The following MICALL2 variants were observed in gnomAD, a reference collection of about 807,000 sequenced individuals.
MICALL2 encodes the protein MICAL-like protein 2.
A neutral mutation model predicts 91.1 loss-of-function variants in MICALL2; 111 were observed. The ratio of observed to expected loss-of-function variants is 1.22; its 90% CI spans 1.04 to 1.43. MICALL2 has a LOEUF of 1.43. MICALL2 is among the 40% of genes most tolerant of loss of function. The pLI, the probability that MICALL2 is intolerant of heterozygous loss-of-function variation, is 0.00. For synonymous variants in MICALL2, 694 were observed against 525.3 expected, an observed-to-expected ratio of 1.32 and a Z score of -4.39; for missense variants, 1,556 against 1,236.0, an observed-to-expected ratio of 1.26 and a Z score of -3.88.
At position 1,438,109 on chromosome 7, in the gene MICALL2, C is replaced by A. The variant is rs1190594084; in HGVS notation, c.2299G>T (p.Ala767Ser). ...CCGAGGCGCTCACCTCCCTCGGCCG[C>A]CCGCAGTCGCTTCTCCAGCTCCACG... ...RGVELEKRLR[A>S]AEGDDAEDSL... Residue 767 changes from alanine (A) to serine (S), a missense_variant, in exon 12 of 17, where the codon GCG becomes TCG. Physicochemically the swap from Ala to Ser is moderately conservative, Grantham distance 99. Coordinates refer to ENST00000297508, the MANE Select transcript of MICALL2 (RefSeq NM_182924.4). 5.1e-6 allele frequency: 8 copies of A among 1,564,724 alleles called. No homozygotes were observed. In the South Asian group the frequency reaches 7.0e-5, roughly 14 times the overall value.
At chr7:1,437,351 T>C (rs1780023242) in intron 14 of MICALL2, 184 bp downstream of exon 14, 3 of 597,560 alleles carry the variant, frequency 5.0e-6, no homozygotes, top group Admixed American at 3.3e-5. Flanking sequence ...CAAGGTTAAG[T>C]ACCTTGGCTG....
At position 1,456,630 on chromosome 7, in the gene MICALL2, T is replaced by C. The variant is rs1011199179; in HGVS notation, c.143+2554A>G. Among the ~76,000 whole-genome samples, 3 of 151,162 alleles carry C rather than the reference T, an allele frequency of 2.0e-5. No homozygotes were observed. The East Asian group carries it at 5.8e-4, about 29-fold the overall frequency. The stretch of plus-strand genomic sequence containing the variant: ...TAAATAGATAAAATTAAATTAAAAA[T>C]AAGAAAATTAGCCAGGCATGGTCCC... On this transcript the variant is annotated intron_variant, in intron 1 of 16. Transcript: ENST00000297508.
intron 1 of MICALL2, among the ~76,000 whole-genome samples, chr7:1,455,781 CCAGA>C (rs898477289): frequency 3.7e-4 from 57 of 152,050 alleles, no homozygotes; most frequent in African/African-American, 1.3e-3. Flanking sequence ...AGGACTAAGG[CCAGA>C]CAAAGGGAAG....
chr7:1,439,890 C>A, intron 9 of MICALL2, 35 bp downstream of exon 9: 1 of 1,394,928 alleles, frequency 7.2e-7, no homozygotes, highest in Non-Finnish European at 9.3e-7. Flanking sequence ...GCCAGCTAGG[C>A]AACCCGGGGG....
chr7:1,445,136 T>TG lies in MICALL2; in HGVS notation c.933dup (p.Thr312HisfsTer13), dbSNP rs552186392. The TG allele has an allele frequency of 4.5e-5, 70 of 1,564,710 alleles. 1 individual carries two copies. In the East Asian group the frequency reaches 1.6e-3, roughly 36 times the overall value. On this transcript the variant is annotated frameshift_variant, in exon 6 of 17. Transcript: ENST00000297508. LOFTEE classifies it high-confidence loss of function. Reference sequence around the variant, plus strand: ...GCTGGGCTCCTCACGTGGACGGACGTGGCGCTGGTGGCTGCAGGGTTGGGT... The same window carrying TG: ...GCTGGGCTCCTCACGTGGACGGACGTGGGCGCTGGTGGCTGCAGGGTTGGGT...
Position 1,459,217 on chromosome 7 carries a change from C to T in MICALL2, c.110G>A (p.Cys37Tyr). ...GGGCCGGTGGCGGTGCAGGATGGCG[C>T]AGAAAGCCAGGCCGTCGCGGAACGA... ...TTSFRDGLAF[C>Y]AILHRHRPDL... Residue 37 changes from cysteine (C) to tyrosine (Y), a missense_variant, in exon 1 of 17, where the codon TGC becomes TAC. Physicochemically the swap from Cys to Tyr is radical, Grantham distance 194. Coordinates refer to ENST00000297508, the MANE Select transcript of MICALL2 (RefSeq NM_182924.4). The T allele has an allele frequency of 6.2e-7, 1 of 1,610,846 alleles. No homozygotes were observed.
chr7:1,448,729 G>C lies in MICALL2; in HGVS notation c.225C>G (p.Ile75Met). 1 of 1,612,776 alleles carries C rather than the reference G, an allele frequency of 6.2e-7. No individual in the cohort carries two copies. Among genetic ancestry groups the C allele is most frequent in the Non-Finnish European group, 8.5e-7 (1 of 1,179,938 alleles). ...TGTCCTCGGCATCCAGCAAGGCTGGGATGCCCAAGTGCTCCTCGGCCACGC... is the reference window on the plus strand; with the variant it reads ...TGTCCTCGGCATCCAGCAAGGCTGGCATGCCCAAGTGCTCCTCGGCCACGC... ...AFRVAEEHLG[I>M]PALLDAEDMV... Residue 75 changes from isoleucine to methionine, a missense_variant, in exon 3 of 17, where the codon ATC (isoleucine) becomes ATG (methionine). Ile to Met is a conservative substitution (Grantham distance 10, BLOSUM62 1). Transcript: ENST00000297508.
intron 6 of MICALL2, among the ~76,000 whole-genome samples, chr7:1,442,812 G>A (rs564476307): frequency 2.0e-5 from 3 of 152,280 alleles, no homozygotes; most frequent in East Asian, 1.9e-4. Context: ...TCCAGTGTTG[G>A]CTGAGATTAA....
intron 15 of MICALL2, 120 bp downstream of exon 15, chr7:1,436,622 C>A: frequency 6.7e-6 from 4 of 597,868 alleles, no homozygotes; most frequent in African/African-American, 3.9e-5. Context: ...CTGTACCAGT[C>A]AGCATAGACA....
At position 1,452,531 on chromosome 7, in the gene MICALL2, G is replaced by A. The variant is rs1052306911; in HGVS notation, c.144-2243C>T. ...CCCCGGAAAGAATGCCCGGACGGCC[G>A]GGAGGGCAGTGTCACAAGTCTGTTT... On this transcript the variant is annotated intron_variant, in intron 1 of 16. Coordinates refer to ENST00000297508, the MANE Select transcript of MICALL2 (RefSeq NM_182924.4). The surrounding 1 kb of genome is among the most constrained non-coding windows in gnomAD (Gnocchi z 6.2). Among the ~76,000 whole-genome samples, 8 of 152,300 alleles carry A rather than the reference G, an allele frequency of 5.3e-5. No homozygotes were observed. Among genetic ancestry groups the A allele is most frequent in the East Asian group, 3.9e-4 (2 of 5,166 alleles).
At chr7:1,441,865 C>G in intron 7 of MICALL2, 1 of 375,300 alleles carries the variant, frequency 2.7e-6, no homozygotes, top group Non-Finnish European at 4.8e-6. Flanking sequence ...ACGGCCAAGC[C>G]AGGCCACTGC....
chr7:1,435,003 G>T, intron 16 of MICALL2, 98 bp downstream of exon 16: 1 of 75,986 alleles, frequency 1.3e-5, no homozygotes, highest in South Asian at 9.6e-5. Context: ...CCCACCCCCA[G>T]CTGGAGGCCC....
chr7:1,444,086 A>ATGAAATGGGCGTAGGACC, intron 6 of MICALL2, among the ~76,000 whole-genome samples: 1 of 66,618 alleles, frequency 1.5e-5, no homozygotes, highest in African/African-American at 6.5e-5. Flanking sequence ...CCCCGCGTCC[A>ATGAAATGGGCGTAGGACC]CTCAGACCCG....
At chr7:1,448,308 C>T (rs1434229155) in intron 3 of MICALL2, among the ~76,000 whole-genome samples, 1 of 152,224 alleles carries the variant, frequency 6.6e-6, no homozygotes, top group African/African-American at 2.4e-5. Flanking sequence ...AGGGGCAGGG[C>T]GGCAGGAGCT....
intron 1 of MICALL2, among the ~76,000 whole-genome samples, chr7:1,458,957 G>A (rs1383505046): frequency 6.6e-6 from 1 of 152,230 alleles, no homozygotes; most frequent in Non-Finnish European, 1.5e-5. Context: ...AGTCACGTCT[G>A]ACTCAGCCGG....
rs528085473 is a variant in MICALL2 at position 1,439,581 on chromosome 7, A to G, written c.1966+344T>C. 7 of 253,994 alleles carry G rather than the reference A, an allele frequency of 2.8e-5. No individual in the cohort carries two copies. The South Asian group carries it at 6.5e-4, about 24-fold the overall frequency. The allele number at this position is 253,994 out of a possible 1,614,324, so 15.7% of individuals were successfully genotyped here. ...ACATGCATCACACGCATGAACACTG[A>G]TGTACACATGAATACACATGCATCA... On this transcript the variant is annotated intron_variant, in intron 9 of 16. Transcript: ENST00000297508.
chr7:1,436,923 C>T, intron 14 of MICALL2, 67 bp from the exon 15 acceptor site: 1 of 1,183,478 alleles, frequency 8.4e-7, no homozygotes, highest in Non-Finnish European at 1.1e-6. Context: ...GACACAATGT[C>T]CCCACCACCC....
chr7:1,455,337 C>T (rs1432002020), intron 1 of MICALL2, among the ~76,000 whole-genome samples: 1 of 152,208 alleles, frequency 6.6e-6, no homozygotes, highest in African/African-American at 2.4e-5. Context: ...ACCTGGCTGC[C>T]CAGCTGCCCT....
chr7:1,456,998 G>A lies in MICALL2; in HGVS notation c.143+2186C>T, dbSNP rs1584239347. ...GAATTTGTTTTCTCACGGCTCTGGA[G>A]GCCGGACTCCGACATCAAGGTGTGG... On this transcript the variant is annotated intron_variant, in intron 1 of 16. Coordinates refer to ENST00000297508, the MANE Select transcript of MICALL2 (RefSeq NM_182924.4). Among the ~76,000 whole-genome samples, 6 of 152,296 alleles carry A rather than the reference G, an allele frequency of 3.9e-5. No homozygotes were observed. In the South Asian group the frequency reaches 8.3e-4, roughly 21 times the overall value.
Sources: gnomAD v4.1 joint callset for allele counts (sites outside exome capture counted in the v4.1 genomes callset) on GRCh38, gnomAD v4.1.1 for gene constraint, Gnocchi (gnomAD v3.1) non-coding constraint, MANE v1.5 for transcripts, NCBI Gene and HGNC (gene_info 2026-07-23, HGNC 2026-07-21) for gene names.